The following BMX variants were observed in gnomAD, a reference collection of about 807,000 sequenced individuals.
BMX encodes the protein BMX non-receptor tyrosine kinase.
In BMX, 31 loss-of-function variants were observed where a neutral mutation model predicts 59.2. The ratio of observed to expected loss-of-function variants is 0.52; its 90% confidence interval spans 0.39 to 0.71. The LOEUF (loss-of-function observed/expected upper bound fraction) is 0.71, where lower values mean the gene tolerates loss of function less well. Ranked by LOEUF, BMX falls within the 30% of genes least tolerant of loss-of-function variation. The pLI, the probability that BMX is intolerant of heterozygous loss-of-function variation, is 0.00. For synonymous variants in BMX, 185 were observed against 181.0 expected (o/e 1.02, Z -0.18); for missense variants, 474 against 491.7 (o/e 0.96, Z 0.34).
rs143936938 is a variant in BMX, at chrX:15,525,906, G to T, written c.831-136G>T. ...TTGCTGTGTTGATACTTTGCCAGGT[G>T]CAGAAGGAGAAACCTAACAATCTAA... On this transcript the variant is annotated intron_variant, in intron 8 of 18. Transcript: ENST00000348343. 1.1e-3 allele frequency: 582 copies of T among 511,304 alleles called. No individual in the cohort carries two copies. In the African/African-American group the frequency reaches 0.012, roughly 10 times the overall value. 42.1% of individuals were successfully genotyped at this position (511,304 alleles called of 1,213,427 possible).
rs1004358573 is a variant in BMX, at chrX:15,500,922, C to A, written c.-28C>A. 5.4e-5 allele frequency: 41 copies of A among 752,491 alleles called. No individual in the cohort carries two copies. Among genetic ancestry groups the A allele is most frequent in the Non-Finnish European group, 6.1e-5 (39 of 639,192 alleles). The allele number at this position is 752,491 out of a possible 1,213,427, so 62.0% of individuals were successfully genotyped here. ...AAGCACCGCGGCGGACCCAGGCAAG[C>A]ACGGAACAAGCTGAGACGGTGCGTT... On this transcript the variant is annotated 5_prime_UTR_variant, in exon 1 of 19. Coordinates refer to ENST00000348343, the MANE Select transcript of BMX (RefSeq NM_203281.3).
At chrX:15,537,051 A>C (rs1360340576) in intron 13 of BMX, 83 bp from the exon 14 acceptor site, 2 of 996,773 alleles carry the variant, frequency 2.0e-6, no homozygotes, top group Admixed American at 5.0e-5. Flanking sequence ...TGAAACTCCC[A>C]TTGGAGAAGA....
intron 4 of BMX, among the ~76,000 whole-genome samples, chrX:15,513,655 G>A (rs1020824107): frequency 2.7e-5 from 3 of 112,130 alleles, no homozygotes; most frequent in Non-Finnish European, 5.6e-5. Flanking sequence ...GGCTGATTCA[G>A]TGGTAGCATA....
chrX:15,526,114 C>T lies in BMX; in HGVS notation c.884+19C>T. 1.7e-6 allele frequency: 2 copies of T among 1,179,366 alleles called. No individual in the cohort carries two copies. Among genetic ancestry groups the T allele is most frequent in the Non-Finnish European group, 2.3e-6 (2 of 870,189 alleles). ...ATTATGAGTGAGTATTGAAAGTCTTCTGGGTTCTTCTAAAATTAGACATAG... is the reference window on the plus strand; with the variant it reads ...ATTATGAGTGAGTATTGAAAGTCTTTTGGGTTCTTCTAAAATTAGACATAG... On this transcript the variant is annotated intron_variant, in intron 9 of 18. Coordinates refer to ENST00000348343, the MANE Select transcript of BMX (RefSeq NM_203281.3).
chrX:15,545,636 A>T (rs1320414118), intron 16 of BMX, among the ~76,000 whole-genome samples: 1 of 111,983 alleles, frequency 8.9e-6, no homozygotes, highest in African/African-American at 3.2e-5. Flanking sequence ...AGATCATATC[A>T]GGAAGCTGTT....
intron 1 of BMX, among the ~76,000 whole-genome samples, chrX:15,504,622 C>T (rs770906131): frequency 1.8e-5 from 2 of 112,379 alleles, no homozygotes; most frequent in East Asian, 5.6e-4. Context: ...CTCATGACAT[C>T]ATTTCCTTAT....
At chrX:15,547,573 T>C (rs996713770) in intron 17 of BMX, among the ~76,000 whole-genome samples, 2 of 111,970 alleles carry the variant, frequency 1.8e-5, no homozygotes, top group Non-Finnish European at 3.8e-5. Flanking sequence ...TAAAGTTTTA[T>C]TGGAACACAG....
intron 5 of BMX, 133 bp from the exon 6 acceptor site, chrX:15,517,796 A>G: frequency 1.9e-6 from 1 of 536,321 alleles, no homozygotes; most frequent in African/African-American, 2.3e-5. Flanking sequence ...ATCACTCCAG[A>G]TGTTGTGTCT....
intron 9 of BMX, among the ~76,000 whole-genome samples, chrX:15,528,731 TAA>T (rs1271847668): frequency 2.7e-5 from 3 of 111,892 alleles, no homozygotes; most frequent in African/African-American, 6.5e-5. Context: ...AAATATTATT[TAA>T]AACAATAAGA....
Position 15,537,174 on chromosome X carries a change from G to A in BMX, c.1263G>A (p.Lys421=). Residue 421 remains lysine (K), a synonymous_variant, in exon 14 of 19, where the codon AAG becomes AAA. Coordinates refer to ENST00000348343, the MANE Select transcript of BMX (RefSeq NM_203281.3). The stretch of plus-strand genomic sequence containing the variant: ...AAAGAGAAGAGATTACCTTGTTGAA[G>A]GAGCTGGGAAGTGGCCAGTTTGGAG... ...ELKREEITLL[K]ELGSGQFGVV... is the part of the protein sequence containing the mutation. The A allele has an allele frequency of 8.3e-7, 1 of 1,210,956 alleles. No individual in the cohort carries two copies. Among genetic ancestry groups the A allele is most frequent in the South Asian group, 1.8e-5 (1 of 56,923 alleles).
chrX:15,551,607 C>T (rs911206824), intron 18 of BMX, among the ~76,000 whole-genome samples: 7 of 109,097 alleles, frequency 6.4e-5, no homozygotes, highest in African/African-American at 2.0e-4. Flanking sequence ...AATAAATTGA[C>T]GCACACAACT....
chrX:15,518,045 C>G, intron 6 of BMX, 52 bp downstream of exon 6: 2 of 998,799 alleles, frequency 2.0e-6, no homozygotes, highest in Non-Finnish European at 2.8e-6. Flanking sequence ...ATTAAATAAA[C>G]CAAGAGTTGC....
chrX:15,508,453 A>G lies in BMX; in HGVS notation c.100A>G (p.Thr34Ala). The G allele has an allele frequency of 8.4e-7, 1 of 1,186,806 alleles. No homozygotes were observed. Among genetic ancestry groups the G allele is most frequent in the East Asian group, 3.0e-5 (1 of 33,155 alleles). ...NNYKERLFVL[T>A]KTNLSYYEYD... is the part of the protein sequence containing the mutation. ...TTACAAAGAACGGCTTTTTGTTTTG[A>G]CCAAAACAAACCTTTCCTACTATGA... The change falls in exon 2 of 19, where the codon ACC becomes GCC. Residue 34 changes from threonine (T) to alanine (A), a missense_variant. By Grantham distance (58) the Thr-to-Ala change is moderately conservative. Coordinates refer to ENST00000348343, the MANE Select transcript of BMX (RefSeq NM_203281.3).
intron 1 of BMX, among the ~76,000 whole-genome samples, chrX:15,501,469 G>C (rs1216351673): frequency 1.8e-5 from 2 of 112,460 alleles, no homozygotes; most frequent in African/African-American, 3.2e-5. Flanking sequence ...ACAGGTGGGA[G>C]GGAGGTGAAC....
intron 18 of BMX, among the ~76,000 whole-genome samples, chrX:15,553,743 G>A (rs775590858): frequency 8.9e-6 from 1 of 112,127 alleles, no homozygotes; most frequent in Non-Finnish European, 1.9e-5. Context: ...ACTTACTGCT[G>A]TCACCTGTCA....
intron 3 of BMX, 100 bp from the exon 4 acceptor site, chrX:15,511,337 C>A: frequency 1.6e-6 from 1 of 641,584 alleles, no homozygotes; most frequent in Non-Finnish European, 2.4e-6. Flanking sequence ...ACTGTATAAG[C>A]AAACTCAAGG....
At chrX:15,512,090 T>C in intron 4 of BMX, among the ~76,000 whole-genome samples, 1 of 112,064 alleles carries the variant, frequency 8.9e-6, no homozygotes, top group African/African-American at 3.2e-5. Flanking sequence ...CAGAACTCAA[T>C]TACCTAAACC....
Position 15,551,515 on chromosome X carries a change from T to TTGTG in BMX, c.1953+1530_1953+1533dup, listed in dbSNP as rs200706735. On this transcript the variant is annotated intron_variant, in intron 18 of 18. Transcript: ENST00000348343. ...CAGTGCTGTTTTTCTGTTATTAATA[T>TTGTG]TGTGTGTGTGTGTGTATATATATAT... 1.0e-4 allele frequency among the ~76,000 whole-genome samples: 9 copies of TTGTG among 90,120 alleles called. No individual in the cohort carries two copies. The East Asian group carries it at 3.5e-3, about 35-fold the overall frequency. The allele number at this position is 90,120 out of a possible 115,157, so 78.3% of individuals were successfully genotyped here.
intron 9 of BMX, among the ~76,000 whole-genome samples, chrX:15,528,606 C>T (rs182231300): frequency 1.8e-5 from 2 of 109,624 alleles, no homozygotes; most frequent in African/African-American, 3.3e-5. Flanking sequence ...TGTAGTGAGC[C>T]GAGATCATAC....
Sources: allele counts gnomAD v4.1 joint callset (sites outside exome capture counted in the v4.1 genomes callset), GRCh38; gene constraint gnomAD v4.1.1; transcripts MANE v1.5; gene names NCBI Gene and HGNC (gene_info 2026-07-23, HGNC 2026-07-21).